Variants in CTBP2 observed in about 807,000 individuals in gnomAD.
CTBP2 encodes the protein C-terminal binding protein 2.
CTBP2 carries 30 observed loss-of-function variants against 80.3 expected under a neutral mutation model. The ratio of observed to expected loss-of-function variants is 0.37; its 90% CI spans 0.28 to 0.51. The LOEUF (loss-of-function observed/expected upper bound fraction) is 0.51. CTBP2 is among the 20% of genes least tolerant of loss of function. The pLI, the probability that CTBP2 is intolerant of heterozygous loss-of-function variation, is 0.93. For synonymous variants in CTBP2, 594 were observed against 587.4 expected, an observed-to-expected ratio of 1.01 and a Z score of -0.16; for missense variants, 1,212 against 1,375.3, an observed-to-expected ratio of 0.88 and a Z score of 1.88.
At chr10:125,014,834 G>A (rs1252662745) in intron 1 of CTBP2, among the ~76,000 whole-genome samples, 2 of 152,234 alleles carry the variant, frequency 1.3e-5, no homozygotes, top group Non-Finnish European at 2.9e-5. Flanking sequence ...TCTCCAGGTT[G>A]AGCCACCAGC....
intron 2 of CTBP2, among the ~76,000 whole-genome samples, chr10:125,059,086 A>G (rs1368337359): frequency 6.6e-6 from 1 of 152,076 alleles, no homozygotes; most frequent in Non-Finnish European, 1.5e-5. Flanking sequence ...AACCTTCTGG[A>G]GACGGCACTG....
intron 1 of CTBP2, among the ~76,000 whole-genome samples, chr10:125,113,549 T>C (rs1216942055): frequency 1.3e-5 from 2 of 152,218 alleles, no homozygotes; most frequent in Non-Finnish European, 2.9e-5. Context: ...TTACACAGAA[T>C]TTCCAAAAAT....
chr10:125,056,175 AT>A (rs761014742), intron 2 of CTBP2, among the ~76,000 whole-genome samples: 12,058 of 136,780 alleles, frequency 0.088, 1,485 homozygotes, highest in African/African-American at 0.28. Flanking sequence ...AAAAATAAAA[AT>A]AATAATAATA....
rs576285640 is a variant in CTBP2, at chr10:125,140,421, C to T, written c.-206+19898G>A. Among the ~76,000 whole-genome samples the T allele has an allele frequency of 1.2e-3, 189 of 152,076 alleles. 2 individuals carry two copies. The highest frequency in any genetic ancestry group is 4.4e-3 in the African/African-American group (182 of 41,478). ...AGGGAAGGGGACAAAGAATGAGCTC[C>T]GAAAGGACATTTCGGGCAACGACCA... On this transcript the variant is annotated intron_variant, in intron 1 of 10. Transcript: ENST00000337195.
intron 1 of CTBP2, among the ~76,000 whole-genome samples, chr10:125,014,198 G>T (rs1256699938): frequency 1.3e-5 from 2 of 152,186 alleles, no homozygotes; most frequent in African/African-American, 4.8e-5. Flanking sequence ...AGGGACACAC[G>T]GTCCTCCTCA....
rs546531594 is a variant in CTBP2, at chr10:125,058,428, G to A, written c.-101-19273C>T. On this transcript the variant is annotated intron_variant, in intron 2 of 10. Coordinates refer to the CTBP2 transcript ENST00000337195. ...GAGTTTTGCCTTTTCCAAGCTAACC[G>A]CCAAGGATCTGGAGGACGGTGTTCA... Among the ~76,000 whole-genome samples, 15 of 152,190 alleles carry A rather than the reference G, an allele frequency of 9.9e-5. No homozygotes were observed. The South Asian group carries it at 2.5e-3, about 25-fold the overall frequency.
At chr10:125,005,083 G>A (rs752732860) in intron 1 of CTBP2, among the ~76,000 whole-genome samples, 9 of 152,222 alleles carry the variant, frequency 5.9e-5, no homozygotes, top group Non-Finnish European at 1.3e-4. Flanking sequence ...CACTGGGGCC[G>A]TGACTGCATC....
intron 1 of CTBP2, among the ~76,000 whole-genome samples, chr10:125,017,496 A>G (rs1443899482): frequency 6.6e-6 from 1 of 152,170 alleles, no homozygotes; most frequent in African/African-American, 2.4e-5. Flanking sequence ...TTCCGGCCCT[A>G]CCACCCTCCC....
chr10:125,023,328 C>A (rs1957235881), intron 1 of CTBP2, among the ~76,000 whole-genome samples: 8 of 152,222 alleles, frequency 5.3e-5, no homozygotes, highest in Admixed American at 5.2e-4. Flanking sequence ...CTGAGCTGAG[C>A]CCTGTGCAGG....
At chr10:125,000,384 G>T (rs958060522) in intron 3 of CTBP2, 1 of 152,242 alleles carries the variant, frequency 6.6e-6, no homozygotes, top group Non-Finnish European at 1.5e-5. Context: ...ATACTCGCAG[G>T]CTGGGCCTCC....
chr10:125,074,385 G>A (rs1357780424), intron 2 of CTBP2, among the ~76,000 whole-genome samples: 2 of 152,104 alleles, frequency 1.3e-5, no homozygotes. Flanking sequence ...ACAGAGTTTT[G>A]CACTTTTCAC....
chr10:125,128,689 A>C (rs1028709181), intron 1 of CTBP2, among the ~76,000 whole-genome samples: 3 of 152,258 alleles, frequency 2.0e-5, no homozygotes, highest in Non-Finnish European at 2.9e-5. Flanking sequence ...AGGGTGGTTT[A>C]AAAAATAGCT....
At chr10:125,018,162 C>G (rs888450444) in intron 1 of CTBP2, among the ~76,000 whole-genome samples, 1 of 152,224 alleles carries the variant, frequency 6.6e-6, no homozygotes, top group African/African-American at 2.4e-5. Context: ...GTGAACCTCT[C>G]TGAGTCTGTC....
intron 2 of CTBP2, among the ~76,000 whole-genome samples, chr10:125,039,476 A>AT (rs1959182093): frequency 6.6e-6 from 1 of 152,240 alleles, no homozygotes; most frequent in South Asian, 2.1e-4. Context: ...TTGAAGTGTA[A>AT]TAAATTATAT....
At chr10:125,113,494 C>G (rs942939045) in intron 1 of CTBP2, among the ~76,000 whole-genome samples, 8 of 152,196 alleles carry the variant, frequency 5.3e-5, no homozygotes, top group African/African-American at 1.7e-4. Context: ...ATTAGTGTTG[C>G]TTGTCTTCGT....
At chr10:125,161,505 C>T (rs1279780713), upstream of CTBP2, among the ~76,000 whole-genome samples, 1 of 152,122 alleles carries the variant, frequency 6.6e-6, no homozygotes, top group East Asian at 2.0e-4. Flanking sequence ...CAACTTCCTC[C>T]TGGTGCCCCG....
chr10:125,159,628 AT>A (rs1394884999), intron 1 of CTBP2, among the ~76,000 whole-genome samples: 1 of 149,900 alleles, frequency 6.7e-6, no homozygotes, highest in Non-Finnish European at 1.5e-5. Context: ...GCCGCGCGGG[AT>A]CCCCCGCCGG....
rs2134041999 is a variant in CTBP2, at chr10:124,989,048, AT to A, written c.*469del. The A allele has an allele frequency of 4.7e-6, 1 of 211,526 alleles. No individual in the cohort carries two copies. The highest frequency in any genetic ancestry group is 2.4e-5 in the African/African-American group (1 of 42,004). The allele number at this position is 211,526 out of a possible 1,614,324, so 13.1% of individuals were successfully genotyped here. On this transcript the variant is annotated 3_prime_UTR_variant, in exon 9 of 9. Coordinates refer to ENST00000309035, the MANE Select transcript of CTBP2 (RefSeq NM_022802.3). ...ACCACAGGCAAACAGTTTTCTCCCC[AT>A]TTTGTAGTAATGTGATTTTCCTATT...
At chr10:125,003,313 C>G (rs199688093) in intron 2 of CTBP2, 25 bp downstream of exon 4, 3 of 1,604,390 alleles carry the variant, frequency 1.9e-6, no homozygotes, top group Non-Finnish European at 2.5e-6. Flanking sequence ...TCAGTGCAGG[C>G]CCCGGCCGGG....
Sources: allele counts gnomAD v4.1 joint callset (sites outside exome capture counted in the v4.1 genomes callset), GRCh38; gene constraint gnomAD v4.1.1; transcripts MANE v1.5; gene names NCBI Gene and HGNC (gene_info 2026-07-23, HGNC 2026-07-21).